Variants in CRTC1 observed in about 807,000 individuals in gnomAD.
CRTC1 encodes the protein CREB regulated transcription coactivator 1, also known as CREB-regulated transcription coactivator 1.
In CRTC1, 18 loss-of-function variants were observed where a neutral mutation model predicts 66.1. The observed-to-expected ratio is 0.27, with a 90% CI of 0.19 to 0.40. The LOEUF is 0.40. Among genes scored for constraint, CRTC1 ranks in the 10% least tolerant of loss-of-function variants. The probability of loss-of-function intolerance (pLI) is 1.00; values close to 1 mark genes in which losing one functional copy is unlikely to be tolerated. For missense variants in CRTC1, 669 were observed against 887.9 expected (o/e 0.75, Z 3.13); for synonymous variants, 416 against 398.8 (o/e 1.04, Z -0.51).
intron 1 of CRTC1, among the ~76,000 whole-genome samples, chr19:18,709,249 C>T (rs1304045575): frequency 6.6e-6 from 1 of 152,066 alleles, no homozygotes; most frequent in Non-Finnish European, 1.5e-5. Context: ...AGCCTGGTGC[C>T]CGCAGCCTCC....
At chr19:18,734,394 G>A (rs73537983) in intron 1 of CRTC1, among the ~76,000 whole-genome samples, 2,182 of 151,998 alleles carry the variant, frequency 0.014, 75 homozygotes, top group African/African-American at 0.051. Flanking sequence ...GAAAGAAACA[G>A]GCCACAGAGA....
intron 13 of CRTC1, among the ~76,000 whole-genome samples, 172 bp downstream of exon 13, chr19:18,775,993 C>T (rs1372989272): frequency 6.7e-6 from 1 of 148,328 alleles, no homozygotes; most frequent in Non-Finnish European, 1.5e-5. Context: ...TTGACTCACT[C>T]CTGGGCTTCG....
At chr19:18,685,534 G>A (rs1462821484) in intron 1 of CRTC1, among the ~76,000 whole-genome samples, 2 of 152,136 alleles carry the variant, frequency 1.3e-5, no homozygotes. Context: ...GTAGCTACCT[G>A]TAATCCCAGC....
chr19:18,754,496 G>A (rs919904107), intron 6 of CRTC1, among the ~76,000 whole-genome samples: 1 of 152,198 alleles, frequency 6.6e-6, no homozygotes, highest in African/African-American at 2.4e-5. Flanking sequence ...CTGGACAATA[G>A]AGCAAGACCC....
At position 18,753,192 on chromosome 19, in the gene CRTC1, C is replaced by T. The variant is rs1309825823; in HGVS notation, c.539-308C>T. Among the ~76,000 whole-genome samples, 9 of 151,872 alleles carry T rather than the reference C, an allele frequency of 5.9e-5. No homozygotes were observed. The East Asian group carries it at 7.8e-4, about 13-fold the overall frequency. On this transcript the variant is annotated intron_variant, in intron 5 of 13. Transcript: ENST00000321949. ...TTGGGAGGCTGAGGCAGGAGAATGGCGTGAACCCGGGAGGTGGAGCTTGCA... is the reference window on the plus strand; with the variant it reads ...TTGGGAGGCTGAGGCAGGAGAATGGTGTGAACCCGGGAGGTGGAGCTTGCA...
chr19:18,734,037 G>A (rs2053944997), intron 1 of CRTC1, among the ~76,000 whole-genome samples: 1 of 152,146 alleles, frequency 6.6e-6, no homozygotes, highest in African/African-American at 2.4e-5. Context: ...GGCAGGTGGA[G>A]GTTGCAGTGA....
rs575360427 is a variant in CRTC1, at chr19:18,739,378, G to T, written c.127-3532G>T. Among the ~76,000 whole-genome samples the T allele has an allele frequency of 4.6e-4, 70 of 152,352 alleles. No homozygotes were observed. The East Asian group carries it at 5.0e-3, about 11-fold the overall frequency. Reference sequence around the variant, plus strand: ...GTGTTGCCTGGGCCAGCTGAGGAAGGGGGTGGCCAAGCTGCCGCCTGAGGC... The same window carrying T: ...GTGTTGCCTGGGCCAGCTGAGGAAGTGGGTGGCCAAGCTGCCGCCTGAGGC... On this transcript the variant is annotated intron_variant, in intron 1 of 13. Transcript: ENST00000321949.
In CRTC1 at chr19:18,771,878, C is replaced by G. The variant is rs2054877114; in HGVS notation, c.1425+332C>G. Among the ~76,000 whole-genome samples, 1 of 152,172 alleles carries G rather than the reference C, an allele frequency of 6.6e-6. No homozygotes were observed. Among genetic ancestry groups the G allele is most frequent in the Non-Finnish European group, 1.5e-5 (1 of 68,022 alleles). ...ACAATGCCCTCCACACCCAGTGTGT[C>G]ACCCAGAGCATGAGCTGGAGCTTTA... On this transcript the variant is annotated intron_variant, in intron 11 of 13. Coordinates refer to ENST00000321949, the MANE Select transcript of CRTC1 (RefSeq NM_015321.3). The surrounding 1 kb of genome is among the most constrained non-coding windows in gnomAD (Gnocchi z 4.6).
intron 1 of CRTC1, among the ~76,000 whole-genome samples, chr19:18,693,285 A>G (rs1033987226): frequency 6.6e-6 from 1 of 150,832 alleles, no homozygotes; most frequent in East Asian, 2.0e-4. Flanking sequence ...GCTACTTGGG[A>G]GGGTGAGGCA....
chr19:18,767,179 ATTT>A (rs968907155), intron 9 of CRTC1, among the ~76,000 whole-genome samples: 1 of 151,938 alleles, frequency 6.6e-6, no homozygotes. Context: ...CATTTTTAAA[ATTT>A]TTTTATTTTT....
rs539279618 is a variant in CRTC1, at chr19:18,745,843, C to T, written c.264C>T (p.Gly88=). The T allele has an allele frequency of 4.3e-6, 7 of 1,613,780 alleles. No homozygotes were observed. In the African/African-American group the frequency reaches 8.0e-5, roughly 18 times the overall value. ...CCCAGACCCCCTTCCAATCCTCGGG[C>T]CTGGACACCAGCCGGACCACCCGGC... ...LPFQTPFQSS[G]LDTSRTTRHH... Residue 88 remains glycine, a synonymous_variant, in exon 3 of 14, where the codon GGC becomes GGT. Coordinates refer to ENST00000321949, the MANE Select transcript of CRTC1 (RefSeq NM_015321.3).
chr19:18,750,398 C>T (rs1336928405), intron 5 of CRTC1, among the ~76,000 whole-genome samples: 10 of 152,334 alleles, frequency 6.6e-5, no homozygotes, highest in African/African-American at 1.9e-4. Flanking sequence ...GCCAGAGTGT[C>T]GCCTCCAGCT....
chr19:18,749,009 G>C (rs1209847502), intron 4 of CRTC1, among the ~76,000 whole-genome samples: 1 of 152,154 alleles, frequency 6.6e-6, no homozygotes, highest in Non-Finnish European at 1.5e-5. Flanking sequence ...ACACATAGCT[G>C]GTGGTGGCTG....
intron 1 of CRTC1, among the ~76,000 whole-genome samples, chr19:18,704,859 C>T (rs1026497883): frequency 1.3e-5 from 2 of 151,976 alleles, no homozygotes; most frequent in African/African-American, 4.8e-5. Flanking sequence ...TGCATCTTCC[C>T]GCACAGAAAC....
At chr19:18,756,289 C>T (rs896872494) in intron 6 of CRTC1, among the ~76,000 whole-genome samples, 5 of 146,262 alleles carry the variant, frequency 3.4e-5, no homozygotes, top group Non-Finnish European at 6.0e-5. Context: ...GCTGAGACTG[C>T]GCCACTGCAC....
chr19:18,684,431 T>C (rs1600728134), intron 1 of CRTC1, among the ~76,000 whole-genome samples: 1 of 151,988 alleles, frequency 6.6e-6, no homozygotes, highest in Non-Finnish European at 1.5e-5. Context: ...TCCCTGGGTG[T>C]TGGGGGAGGA....
chr19:18,697,315 G>A (rs534830192), intron 1 of CRTC1, among the ~76,000 whole-genome samples: 17 of 152,234 alleles, frequency 1.1e-4, no homozygotes, highest in Admixed American at 7.9e-4. Flanking sequence ...CCCCCACCTC[G>A]CTTCCTTCTG....
At position 18,743,021 on chromosome 19, in the gene CRTC1, T is replaced by C; in HGVS notation, c.238T>C (p.Phe80Leu). 1 of 1,611,376 alleles carries C rather than the reference T, an allele frequency of 6.2e-7. No homozygotes were observed. The highest frequency in any genetic ancestry group is 8.5e-7 in the Non-Finnish European group (1 of 1,178,320). The change falls in exon 2 of 14, where the codon TTC becomes CTC. Residue 80 changes from phenylalanine to leucine, a missense_variant. Phe to Leu is a conservative substitution (Grantham distance 22). Transcript: ENST00000321949. ...QIGSGTMDLP[F>L]QTPFQSSGLD... ...CGGGAGTGGCACCATGGACCTGCCC[T>C]TCCAGGTGAGTGCCCCGCCCCCTGG...
At position 18,741,091 on chromosome 19, in the gene CRTC1, G is replaced by A. The variant is rs1046713852; in HGVS notation, c.127-1819G>A. 2.6e-5 allele frequency among the ~76,000 whole-genome samples: 4 copies of A among 152,228 alleles called. No homozygotes were observed. The highest frequency in any genetic ancestry group is 9.6e-5 in the African/African-American group (4 of 41,460). ...ACTCCTGGCCCAGGGGCTGTGCTCC[G>A]AAGCCTGAGTGCCTCCAGCAAAGTG... On this transcript the variant is annotated intron_variant, in intron 1 of 13. Coordinates refer to ENST00000321949, the MANE Select transcript of CRTC1 (RefSeq NM_015321.3). The surrounding 1 kb of genome is among the most constrained non-coding windows in gnomAD (Gnocchi z 4.2).
Sources: gnomAD v4.1 joint callset for allele counts (sites outside exome capture counted in the v4.1 genomes callset) on GRCh38, gnomAD v4.1.1 for gene constraint, Gnocchi (gnomAD v3.1) non-coding constraint, MANE v1.5 for transcripts, NCBI Gene and HGNC (gene_info 2026-07-23, HGNC 2026-07-21) for gene names.